The following SLCO1A2 variants were observed in gnomAD, a reference collection of about 807,000 sequenced individuals.
SLCO1A2 encodes the protein OATP-1.
In SLCO1A2, 67 loss-of-function variants were observed where a neutral mutation model predicts 69.0. The ratio of observed to expected loss-of-function variants is 0.97; its 90% CI spans 0.80 to 1.19. The LOEUF (loss-of-function observed/expected upper bound fraction) is 1.19, where lower values mean the gene tolerates loss of function less well. Ranked by LOEUF, SLCO1A2 falls within the 50% of genes most tolerant of loss-of-function variation. The pLI is 0.00. For missense variants in SLCO1A2, 787 were observed against 793.7 expected (o/e 0.99, Z 0.10); for synonymous variants, 260 against 265.9 (o/e 0.98, Z 0.22).
Position 21,352,834 on chromosome 12 carries a change from A to T in SLCO1A2, c.-62-18125T>A, listed in dbSNP as rs142606095. Among the ~76,000 whole-genome samples, 1,033 of 152,348 alleles carry T rather than the reference A, an allele frequency of 6.8e-3. 15 individuals carry two copies. The highest frequency in any genetic ancestry group is 0.023 in the African/African-American group (975 of 41,588). On this transcript the variant is annotated intron_variant, in intron 2 of 15. Transcript: ENST00000307378. ...TGTTCTTGTAGGAACTGGGGGAAGT[A>T]CATAAGGTGTATGCAAAAATATCTC...
chr12:21,295,265 G>A lies in SLCO1A2; in HGVS notation c.1271+332C>T, dbSNP rs1947528926. Reference sequence around the variant, plus strand: ...TCAGTTATGGGAGTATAAGATATATGGATAACATATTTTAATACAACCTGA... The same window carrying A: ...TCAGTTATGGGAGTATAAGATATATAGATAACATATTTTAATACAACCTGA... On this transcript the variant is annotated intron_variant, in intron 10 of 14. Coordinates refer to ENST00000683939, the MANE Select transcript of SLCO1A2 (RefSeq NM_001386879.1). 3 of 202,748 alleles carry A rather than the reference G, an allele frequency of 1.5e-5. No individual in the cohort carries two copies. The Admixed American group carries it at 1.7e-4, about 12-fold the overall frequency. 12.6% of individuals were successfully genotyped at this position (202,748 alleles called of 1,614,324 possible).
chr12:21,348,679 G>A (rs1937689085), intron 2 of SLCO1A2, among the ~76,000 whole-genome samples: 1 of 152,004 alleles, frequency 6.6e-6, no homozygotes, highest in Admixed American at 6.6e-5. Context: ...TGCACTTTGA[G>A]CCATTTATCA....
At chr12:21,407,032 C>T (rs1050666310) in intron 1 of SLCO1A2, among the ~76,000 whole-genome samples, 3 of 152,134 alleles carry the variant, frequency 2.0e-5, no homozygotes, top group African/African-American at 7.2e-5. Flanking sequence ...CTCCTTGTTT[C>T]ACTTTTTCAT....
At chr12:21,323,523 C>G (rs774109744) in intron 2 of SLCO1A2, among the ~76,000 whole-genome samples, 1 of 152,078 alleles carries the variant, frequency 6.6e-6, no homozygotes, top group Non-Finnish European at 1.5e-5. Context: ...CTTGATGGCA[C>G]CACTACACTC....
intron 2 of SLCO1A2, 88 bp downstream of exon 2, chr12:21,334,500 T>C (rs777259668): frequency 5.9e-5 from 54 of 911,498 alleles, no homozygotes; most frequent in Non-Finnish European, 8.8e-5. Context: ...TTAGATCACT[T>C]CATGCAGATA....
intron 10 of SLCO1A2, 116 bp from the exon 11 acceptor site, chr12:21,294,226 T>G: frequency 3.6e-6 from 3 of 837,826 alleles, no homozygotes; most frequent in East Asian, 5.8e-5. Context: ...GAAAGAGAAA[T>G]TTTCCAGTCA....
At chr12:21,401,498 A>G (rs1483043068) in intron 1 of SLCO1A2, among the ~76,000 whole-genome samples, 4 of 151,852 alleles carry the variant, frequency 2.6e-5, no homozygotes, top group Non-Finnish European at 4.4e-5. Context: ...AAAAACCTCC[A>G]TAATATTATT....
rs1952168116 is a variant in SLCO1A2 at position 21,325,677 on chromosome 12, AC to A, written c.61-6755del. Among the ~76,000 whole-genome samples the A allele has an allele frequency of 2.0e-5, 3 of 151,924 alleles. No homozygotes were observed. In the South Asian group the frequency reaches 6.3e-4, roughly 32 times the overall value. ...GTAGGGGTTCCCTTTGGTCCACTCA[AC>A]CCTTGATAGTGTTGTAAAGACCTTT... On this transcript the variant is annotated intron_variant, in intron 2 of 14. Coordinates refer to ENST00000683939, the MANE Select transcript of SLCO1A2 (RefSeq NM_001386879.1).
intron 4 of SLCO1A2, among the ~76,000 whole-genome samples, chr12:21,309,052 G>C (rs1350689886): frequency 6.6e-6 from 1 of 152,130 alleles, no homozygotes; most frequent in African/African-American, 2.4e-5. Context: ...TCCTTAAAAA[G>C]GGACATTCAA....
intron 4 of SLCO1A2, among the ~76,000 whole-genome samples, 170 bp downstream of exon 4, chr12:21,314,379 G>A (rs958064167): frequency 3.3e-5 from 5 of 152,226 alleles, no homozygotes; most frequent in African/African-American, 1.2e-4. Context: ...TTAAGTGGAA[G>A]TGAGGCAGCC....
intron 4 of SLCO1A2, among the ~76,000 whole-genome samples, chr12:21,309,403 G>A (rs1949832245): frequency 6.6e-6 from 1 of 152,144 alleles, no homozygotes; most frequent in Admixed American, 6.5e-5. Flanking sequence ...TGGACTTGGA[G>A]CTTAAAAGAA....
chr12:21,312,513 A>C (rs2136651952), intron 4 of SLCO1A2, among the ~76,000 whole-genome samples: 1 of 152,316 alleles, frequency 6.6e-6, no homozygotes, highest in Middle Eastern at 3.4e-3. Flanking sequence ...TATTTGGTGC[A>C]AGTGGCTTAG....
chr12:21,370,101 AC>A (rs1165466525), intron 2 of SLCO1A2, among the ~76,000 whole-genome samples: 4 of 152,220 alleles, frequency 2.6e-5, no homozygotes, highest in South Asian at 2.1e-4. Flanking sequence ...TAACAAAAAA[AC>A]AAATATCCTG....
At chr12:21,336,786 C>T (rs1952906323), upstream of SLCO1A2, among the ~76,000 whole-genome samples, 1 of 151,966 alleles carries the variant, frequency 6.6e-6, no homozygotes, top group Admixed American at 6.6e-5. Flanking sequence ...CTAGTGCCAG[C>T]CATGTGAACA....
rs762865162 is a variant in SLCO1A2 at position 21,322,610 on chromosome 12, C to T, written c.61-3687G>A. 2.4e-4 allele frequency among the ~76,000 whole-genome samples: 36 copies of T among 152,076 alleles called. 1 individual carries two copies. Among genetic ancestry groups the T allele is most frequent in the Admixed American group, 1.2e-3 (19 of 15,260 alleles). ...TTGTGGGGACCAAGGTTCTATCATGCGGATAAAGCCTCTAGGTAGCAGGCT... is the reference window on the plus strand; with the variant it reads ...TTGTGGGGACCAAGGTTCTATCATGTGGATAAAGCCTCTAGGTAGCAGGCT... On this transcript the variant is annotated intron_variant, in intron 2 of 14. Transcript: ENST00000683939.
chr12:21,408,814 G>T lies in SLCO1A2; in HGVS notation c.-312+9068C>A, dbSNP rs572508571. 2.0e-5 allele frequency among the ~76,000 whole-genome samples: 3 copies of T among 152,092 alleles called. No homozygotes were observed. In the South Asian group the frequency reaches 6.2e-4, roughly 32 times the overall value. On this transcript the variant is annotated intron_variant, in intron 1 of 4. Transcript: ENST00000413682. ...AATAGTCACGGCAAAAAGTGAGCTTGTTGTCCATCCTAACAAATAGGATGG... is the reference window on the plus strand; with the variant it reads ...AATAGTCACGGCAAAAAGTGAGCTTTTTGTCCATCCTAACAAATAGGATGG...
chr12:21,392,686 A>C (rs1246639924), intron 1 of SLCO1A2, among the ~76,000 whole-genome samples: 2 of 152,194 alleles, frequency 1.3e-5, no homozygotes, highest in African/African-American at 4.8e-5. Flanking sequence ...GAGAGTTTTC[A>C]TAAAACCTCT....
intron 7 of SLCO1A2, 54 bp from the exon 8 acceptor site, chr12:21,300,623 A>G (rs1948598183): frequency 1.5e-6 from 2 of 1,307,486 alleles, no homozygotes; most frequent in South Asian, 1.6e-5. Context: ...TTCTGTATGA[A>G]CTATAGAAAA....
rs1181039628 is a variant in SLCO1A2 at position 21,267,771 on chromosome 12, G to C, written c.*1777C>G. ...TTTTTCTTGCTGCTCTGTGAATATA[G>C]GTAAGTCTCTTCTCCTTGTTTTAGT... On this transcript the variant is annotated 3_prime_UTR_variant, in exon 15 of 15. Coordinates refer to ENST00000683939, the MANE Select transcript of SLCO1A2 (RefSeq NM_001386879.1). 1 of 152,082 alleles carries C rather than the reference G, an allele frequency of 6.6e-6. No individual in the cohort carries two copies. 9.4% of individuals were successfully genotyped at this position (152,082 alleles called of 1,614,324 possible). A position where few individuals can be genotyped will look rare whatever the true frequency, so the allele number is the denominator to read the frequency against.
Sources: gnomAD v4.1 joint callset for allele counts (sites outside exome capture counted in the v4.1 genomes callset) on GRCh38, gnomAD v4.1.1 for gene constraint, MANE v1.5 for transcripts, NCBI Gene and HGNC (gene_info 2026-07-23, HGNC 2026-07-21) for gene names.